Variants in ERC2 observed in about 807,000 individuals in gnomAD.
ERC2 encodes the protein ERC protein 2.
ERC2 carries 42 observed loss-of-function variants against 114.8 expected under a neutral mutation model. The observed-to-expected ratio is 0.37, with a 90% CI of 0.29 to 0.47. The LOEUF is 0.47. ERC2 is among the 20% of genes least tolerant of loss of function. The pLI is 0.99. For synonymous variants in ERC2, 454 were observed against 425.5 expected (o/e 1.07, Z -0.82); for missense variants, 939 against 1,150.7 (o/e 0.82, Z 2.66).
chr3:55,561,878 G>A (rs997295832), intron 17 of ERC2, among the ~76,000 whole-genome samples: 1 of 152,112 alleles, frequency 6.6e-6, no homozygotes, highest in African/African-American at 2.4e-5. Context: ...CCAGCCCAAT[G>A]AGAGTCTGCC....
At chr3:55,772,308 A>ACTTTTTGT (rs1481269831) in intron 14 of ERC2, among the ~76,000 whole-genome samples, 1 of 147,578 alleles carries the variant, frequency 6.8e-6, no homozygotes, top group East Asian at 2.1e-4. Flanking sequence ...ACGCCTGGCT[A>ACTTTTTGT]CTTTTTGTAT....
At chr3:55,789,055 T>G (rs2069758554) in intron 14 of ERC2, among the ~76,000 whole-genome samples, 1 of 151,852 alleles carries the variant, frequency 6.6e-6, no homozygotes, top group Non-Finnish European at 1.5e-5. Flanking sequence ...TGTTTCTTTC[T>G]CTCTCAGCAT....
chr3:56,032,909 A>AAGAAAGAGAGAGAGAC (rs2074474705), intron 7 of ERC2, among the ~76,000 whole-genome samples: 1 of 56,878 alleles, frequency 1.8e-5, no homozygotes, highest in African/African-American at 5.4e-5. Flanking sequence ...GACAGAAAGA[A>AAGAAAGAGAGAGAGAC]AGAAAGAAAG....
chr3:55,861,523 T>G (rs1414300505), intron 14 of ERC2, among the ~76,000 whole-genome samples: 1 of 152,246 alleles, frequency 6.6e-6, no homozygotes, highest in African/African-American at 2.4e-5. Flanking sequence ...TAGCATCATT[T>G]AAGCCTTTAA....
At chr3:55,844,581 A>T (rs1265969797) in intron 14 of ERC2, among the ~76,000 whole-genome samples, 2 of 152,192 alleles carry the variant, frequency 1.3e-5, no homozygotes, top group Non-Finnish European at 2.9e-5. Context: ...AGTGCTCAAG[A>T]TGTTCTGTTT....
chr3:56,352,496 A>T (rs762748289), intron 2 of ERC2, among the ~76,000 whole-genome samples: 13 of 152,172 alleles, frequency 8.5e-5, no homozygotes, highest in Non-Finnish European at 1.8e-4. Flanking sequence ...TCAGACTTGA[A>T]CATGTTGAAT....
chr3:55,866,796 C>T (rs973561000), intron 14 of ERC2, among the ~76,000 whole-genome samples: 5 of 152,066 alleles, frequency 3.3e-5, no homozygotes, highest in African/African-American at 1.2e-4. Flanking sequence ...AGAGATTTAG[C>T]ATTCAAGATG....
chr3:56,036,959 C>G (rs2074848136), intron 7 of ERC2, among the ~76,000 whole-genome samples: 1 of 152,080 alleles, frequency 6.6e-6, no homozygotes, highest in Non-Finnish European at 1.5e-5. Flanking sequence ...ACGGGCCTGA[C>G]TGTTAAAAGA....
intron 6 of ERC2, among the ~76,000 whole-genome samples, chr3:56,090,130 T>C (rs1156662678): frequency 6.6e-6 from 1 of 152,216 alleles, no homozygotes; most frequent in East Asian, 1.9e-4. Context: ...TAATCACTGC[T>C]TTCAAAAACT....
At chr3:56,464,043 GAAGTT>G (rs1368518884) in intron 1 of ERC2, among the ~76,000 whole-genome samples, 1 of 152,210 alleles carries the variant, frequency 6.6e-6, no homozygotes. Flanking sequence ...CTGAAATGCA[GAAGTT>G]AAGGACCAGG....
At chr3:55,643,109 G>T (rs1383667650) in intron 17 of ERC2, among the ~76,000 whole-genome samples, 2 of 152,182 alleles carry the variant, frequency 1.3e-5, no homozygotes, top group African/African-American at 2.4e-5. Flanking sequence ...CTGGGAGCCA[G>T]TCTTCCTGAC....
At chr3:56,180,817 C>T (rs751131432) in intron 3 of ERC2, among the ~76,000 whole-genome samples, 1 of 152,132 alleles carries the variant, frequency 6.6e-6, no homozygotes, top group Non-Finnish European at 1.5e-5. Context: ...TATTTTACCA[C>T]AATTAAAAGT....
chr3:55,907,358 G>A (rs1461196480), intron 13 of ERC2, among the ~76,000 whole-genome samples: 2 of 152,178 alleles, frequency 1.3e-5, no homozygotes, highest in Non-Finnish European at 2.9e-5. Context: ...TTCCTTAACT[G>A]TAAATGGAGA....
rs75535624 is a variant in ERC2, at chr3:56,243,730, A to G, written c.1074+52289T>C. ...GGGAAGAATAAAGGCACAAAGATAG[A>G]CAGGTGCAGTGCCTGGCTGTATTGT... On this transcript the variant is annotated intron_variant, in intron 3 of 17. Coordinates refer to ENST00000288221, the MANE Select transcript of ERC2 (RefSeq NM_015576.3). Among the ~76,000 whole-genome samples the G allele has an allele frequency of 7.0e-3, 1,072 of 152,280 alleles. 83 individuals carry two copies. In the East Asian group the frequency reaches 0.17, roughly 24 times the overall value.
chr3:55,766,071 G>A (rs2067763268), intron 14 of ERC2, among the ~76,000 whole-genome samples: 1 of 152,176 alleles, frequency 6.6e-6, no homozygotes, highest in South Asian at 2.1e-4. Flanking sequence ...AGGACACTAA[G>A]AGAACTGTGT....
chr3:55,632,439 G>T (rs971428468), intron 17 of ERC2, among the ~76,000 whole-genome samples: 1 of 152,172 alleles, frequency 6.6e-6, no homozygotes, highest in South Asian at 2.1e-4. Flanking sequence ...CTGCTGGAAG[G>T]CTGTCAGGCT....
intron 17 of ERC2, among the ~76,000 whole-genome samples, chr3:55,586,929 T>C (rs1013164435): frequency 2.0e-5 from 3 of 152,198 alleles, no homozygotes; most frequent in African/African-American, 4.8e-5. Flanking sequence ...ATAATTGAAA[T>C]CTTCCTCCCA....
intron 3 of ERC2, among the ~76,000 whole-genome samples, chr3:56,225,176 T>C (rs888845611): frequency 1.3e-5 from 2 of 152,166 alleles, no homozygotes; most frequent in Non-Finnish European, 2.9e-5. Context: ...CCCCTCCTTT[T>C]TTCCCCATTT....
chr3:56,145,411 C>T (rs924637955), intron 5 of ERC2, among the ~76,000 whole-genome samples: 1 of 152,150 alleles, frequency 6.6e-6, no homozygotes, highest in African/African-American at 2.4e-5. Context: ...TATTCTTTCC[C>T]TACCAGAAAA....
Sources: gnomAD v4.1 joint callset for allele counts (sites outside exome capture counted in the v4.1 genomes callset) on GRCh38, gnomAD v4.1.1 for gene constraint, MANE v1.5 for transcripts, NCBI Gene and HGNC (gene_info 2026-07-23, HGNC 2026-07-21) for gene names.